CNTN4: variants seen among roughly 807,000 people sequenced by gnomAD.
CNTN4 encodes the protein contactin 4, also known as contactin-4.
Under a neutral mutation model 122.5 loss-of-function variants are expected in CNTN4, and 77 were observed. That is an observed-to-expected ratio of 0.63 (90% CI 0.52 to 0.76). The LOEUF (loss-of-function observed/expected upper bound fraction) is 0.76. CNTN4 is among the 30% of genes least tolerant of loss of function. CNTN4 has a pLI of 0.00. For synonymous variants in CNTN4, 512 were observed against 447.0 expected, an observed-to-expected ratio of 1.15 and a Z score of -1.83; for missense variants, 1,256 against 1,259.1, an observed-to-expected ratio of 1.00 and a Z score of 0.04.
chr3:2,372,325 A>C (rs1289928337), intron 3 of CNTN4, among the ~76,000 whole-genome samples: 1 of 152,234 alleles, frequency 6.6e-6, no homozygotes, highest in East Asian at 1.9e-4. Flanking sequence ...TTAAAGACTT[A>C]TGAACATCGT....
At chr3:2,178,264 CT>C (rs112780497) in intron 2 of CNTN4, among the ~76,000 whole-genome samples, 90 of 148,880 alleles carry the variant, frequency 6.0e-4, no homozygotes, top group Admixed American at 1.8e-3. Flanking sequence ...AAGGTACATA[CT>C]TTTTTTTTTG....
At chr3:2,296,713 G>C (rs2042325919) in intron 2 of CNTN4, among the ~76,000 whole-genome samples, 1 of 151,560 alleles carries the variant, frequency 6.6e-6, no homozygotes, top group Non-Finnish European at 1.5e-5. Flanking sequence ...AGAATAAAAT[G>C]GTCCACAGAT....
intron 6 of CNTN4, among the ~76,000 whole-genome samples, chr3:2,791,506 C>G (rs967938867): frequency 1.3e-5 from 2 of 150,084 alleles, no homozygotes; most frequent in African/African-American, 2.5e-5. Context: ...GCACTCCAGC[C>G]TGGGTGATGG....
chr3:2,404,476 A>G (rs2150988312), intron 3 of CNTN4, among the ~76,000 whole-genome samples: 1 of 152,242 alleles, frequency 6.6e-6, no homozygotes, highest in Non-Finnish European at 1.5e-5. Context: ...AAAGCCAGAA[A>G]TGATGGTAGA....
At chr3:2,707,496 A>C (rs1405956792) in intron 4 of CNTN4, among the ~76,000 whole-genome samples, 1 of 152,206 alleles carries the variant, frequency 6.6e-6, no homozygotes, top group African/African-American at 2.4e-5. Flanking sequence ...TAGCAGAGCC[A>C]GGTGTACATC....
intron 4 of CNTN4, among the ~76,000 whole-genome samples, chr3:2,722,034 C>T (rs2087889239): frequency 6.6e-6 from 1 of 152,154 alleles, no homozygotes; most frequent in Non-Finnish European, 1.5e-5. Flanking sequence ...GCACCTCGTG[C>T]TTGGACATCT....
chr3:2,466,270 A>C (rs566198839), intron 3 of CNTN4, among the ~76,000 whole-genome samples: 220 of 152,340 alleles, frequency 1.4e-3, no homozygotes, highest in African/African-American at 5.0e-3. Flanking sequence ...AATGCTTGTC[A>C]AACTAATATA....
chr3:2,173,083 G>A (rs1224991449), intron 2 of CNTN4, among the ~76,000 whole-genome samples: 4 of 152,176 alleles, frequency 2.6e-5, no homozygotes, highest in African/African-American at 9.7e-5. Flanking sequence ...GGGCTTTTCA[G>A]TTCATTGGAA....
chr3:2,275,746 C>T (rs139847912), intron 2 of CNTN4, among the ~76,000 whole-genome samples: 2 of 151,552 alleles, frequency 1.3e-5, no homozygotes, highest in East Asian at 1.9e-4. Context: ...ATGATGAAAC[C>T]CCGTTTCTAC....
At chr3:2,105,398 C>A (rs1399212588) in intron 2 of CNTN4, among the ~76,000 whole-genome samples, 2 of 152,170 alleles carry the variant, frequency 1.3e-5, no homozygotes, top group Non-Finnish European at 2.9e-5. Context: ...AAAGAACTGC[C>A]TGAGACTGGG....
chr3:2,840,699 CAAAAAAT>C (rs1338338871), intron 7 of CNTN4, among the ~76,000 whole-genome samples: 1 of 150,512 alleles, frequency 6.6e-6, no homozygotes, highest in Non-Finnish European at 1.5e-5. Context: ...ACTCCGTCTC[CAAAAAAT>C]AAAAAATAAA....
intron 6 of CNTN4, among the ~76,000 whole-genome samples, chr3:2,779,928 C>G (rs905084368): frequency 6.6e-6 from 1 of 152,122 alleles, no homozygotes; most frequent in Non-Finnish European, 1.5e-5. Flanking sequence ...GAATTCATAC[C>G]AACGTCAGAT....
intron 6 of CNTN4, among the ~76,000 whole-genome samples, chr3:2,763,230 C>A (rs185245947): frequency 3.8e-3 from 579 of 152,302 alleles, no homozygotes; most frequent in Non-Finnish European, 6.6e-3. Flanking sequence ...CAGGCGTAAG[C>A]CACCACACGC....
At position 2,925,349 on chromosome 3, in the gene CNTN4, C is replaced by A. The variant is rs1967175; in HGVS notation, c.1208-280C>A. Among the ~76,000 whole-genome samples, 63,930 of 151,802 alleles carry A rather than the reference C, an allele frequency of 0.42. 13,920 individuals carry two copies. The highest frequency in any genetic ancestry group is 0.68 in the East Asian group (3,501 of 5,134). On this transcript the variant is annotated intron_variant, in intron 12 of 24. Coordinates refer to ENST00000418658, the MANE Select transcript of CNTN4 (RefSeq NM_175607.3). ...GGCGGGCGGATCACGAGGTCAAGAG[C>A]TCGAGACCATCCTGGCCAACATGGT...
At chr3:3,009,513 A>G (rs1696986781) in intron 14 of CNTN4, among the ~76,000 whole-genome samples, 1 of 150,966 alleles carries the variant, frequency 6.6e-6, no homozygotes, top group Non-Finnish European at 1.5e-5. Flanking sequence ...AGCTCACTGC[A>G]AGCTCCGCCC....
intron 13 of CNTN4, among the ~76,000 whole-genome samples, chr3:2,937,493 A>G (rs577712901): frequency 6.6e-6 from 1 of 152,322 alleles, no homozygotes; most frequent in South Asian, 2.1e-4. Context: ...TCCTTGGTTG[A>G]GGATCCATGG....
intron 4 of CNTN4, among the ~76,000 whole-genome samples, chr3:2,603,345 T>C (rs1020861771): frequency 9.9e-5 from 15 of 152,208 alleles, no homozygotes; most frequent in African/African-American, 3.4e-4. Flanking sequence ...TAGGATGTCC[T>C]AGTGTGGGAA....
intron 7 of CNTN4, among the ~76,000 whole-genome samples, chr3:2,832,967 A>G (rs114918343): frequency 0.017 from 2,531 of 151,512 alleles, 74 homozygotes; most frequent in African/African-American, 0.058. Context: ...GAATAATAAA[A>G]TAAGAAATCT....
intron 4 of CNTN4, among the ~76,000 whole-genome samples, chr3:2,580,399 A>G (rs2079883060): frequency 6.6e-6 from 1 of 152,192 alleles, no homozygotes; most frequent in African/African-American, 2.4e-5. Flanking sequence ...GGTTCCAAAC[A>G]GAGTAGGATC....
Sources: allele counts gnomAD v4.1 joint callset (sites outside exome capture counted in the v4.1 genomes callset), GRCh38; gene constraint gnomAD v4.1.1; transcripts MANE v1.5; gene names NCBI Gene and HGNC (gene_info 2026-07-23, HGNC 2026-07-21).